SBK1: variants seen among roughly 807,000 people sequenced by gnomAD.
The protein encoded by SBK1 is SH3 domain binding kinase 1.
Under a neutral mutation model 24.4 loss-of-function variants are expected in SBK1, and 11 were observed. The observed-to-expected ratio is 0.45, with a 90% CI of 0.28 to 0.75. SBK1 has a LOEUF of 0.75. Ranked by LOEUF, SBK1 falls within the 30% of genes least tolerant of loss-of-function variation. SBK1 has a pLI of 0.12. For missense variants in SBK1, 467 were observed against 620.5 expected (o/e 0.75, Z 2.63); for synonymous variants, 308 against 284.4 (o/e 1.08, Z -0.83).
chr16:28,266,940 T>A (rs2044432807), intron 1 of SBK1, among the ~76,000 whole-genome samples: 1 of 151,662 alleles, frequency 6.6e-6, no homozygotes, highest in Non-Finnish European at 1.5e-5. Context: ...AGAGTCTCAC[T>A]CTGTCGCCCA....
chr16:28,305,002 C>G (rs944153238), intron 1 of SBK1, among the ~76,000 whole-genome samples: 2 of 152,062 alleles, frequency 1.3e-5, no homozygotes, highest in Non-Finnish European at 2.9e-5. Flanking sequence ...CTCCACCTCC[C>G]GGGTTCAAGT....
At chr16:28,262,886 G>A (rs1309698890) in intron 1 of SBK1, among the ~76,000 whole-genome samples, 1 of 152,114 alleles carries the variant, frequency 6.6e-6, no homozygotes, top group Non-Finnish European at 1.5e-5. Context: ...TGGGGTGGGG[G>A]TGGTGATGGA....
At chr16:28,263,406 A>G (rs753740136) in intron 1 of SBK1, among the ~76,000 whole-genome samples, 15 of 152,216 alleles carry the variant, frequency 9.9e-5, no homozygotes, top group Non-Finnish European at 2.2e-4. Flanking sequence ...AGGTGAGGAT[A>G]TTTCATCTAA....
intron 1 of SBK1, among the ~76,000 whole-genome samples, chr16:28,279,744 C>T (rs757476139): frequency 6.6e-6 from 1 of 152,116 alleles, no homozygotes; most frequent in Non-Finnish European, 1.5e-5. Context: ...CCCCAGGATC[C>T]TGAGTCCAGG....
Position 28,320,117 on chromosome 16 carries a change from G to T in SBK1, c.471G>T (p.Gln157His). The T allele has an allele frequency of 6.4e-7, 1 of 1,567,262 alleles. No individual in the cohort carries two copies. Among genetic ancestry groups the T allele is most frequent in the Non-Finnish European group, 8.6e-7 (1 of 1,162,100 alleles). The change falls in exon 4 of 4, where the codon CAG becomes CAT. Residue 157 changes from glutamine (Q) to histidine (H), a missense_variant. Around this residue, in one of 4 missense-constraint regions of SBK1, gnomAD observed 92 missense variants for 193.8 expected, o/e 0.47. Coordinates refer to ENST00000341901, the MANE Select transcript of SBK1 (RefSeq NM_001024401.3). This position sits in a 1 kb window ranked among gnomAD's most constrained non-coding sequence, Gnocchi z 8.5. The stretch of plus-strand genomic sequence containing the variant: ...ACACGGTGAAGCGCTGTGTGCAGCA[G>T]CTGGGCCTGGCGCTGGACTTCATGC... ...PEDTVKRCVQ[Q>H]LGLALDFMHG...
chr16:28,264,799 G>A (rs1673324117), intron 1 of SBK1, among the ~76,000 whole-genome samples: 1 of 152,028 alleles, frequency 6.6e-6, no homozygotes, highest in Non-Finnish European at 1.5e-5. Flanking sequence ...AGGGCCCTGA[G>A]GACTCCGCGG....
intron 1 of SBK1, among the ~76,000 whole-genome samples, chr16:28,273,196 C>T (rs2044477416): frequency 6.6e-6 from 1 of 151,738 alleles, no homozygotes; most frequent in South Asian, 2.1e-4. Flanking sequence ...AGGTGTGAGC[C>T]ACCGCACCTG....
intron 1 of SBK1, among the ~76,000 whole-genome samples, chr16:28,298,749 C>A (rs2044658640): frequency 6.6e-6 from 1 of 152,218 alleles, no homozygotes; most frequent in African/African-American, 2.4e-5. Flanking sequence ...CTTTAGGCAA[C>A]CACCAGAGGG....
At chr16:28,306,066 C>T (rs916224734) in intron 1 of SBK1, among the ~76,000 whole-genome samples, 21 of 152,188 alleles carry the variant, frequency 1.4e-4, no homozygotes, top group East Asian at 5.8e-4. Flanking sequence ...ATAAGCAGAT[C>T]GATCCCATCT....
At chr16:28,299,661 T>C (rs2044665755) in intron 1 of SBK1, among the ~76,000 whole-genome samples, 1 of 152,010 alleles carries the variant, frequency 6.6e-6, no homozygotes. Flanking sequence ...CCAAGAACAG[T>C]GTGCGATGCT....
rs890830131 is a variant in SBK1, at chr16:28,304,659, G to C, written c.-8+11359G>C. On this transcript the variant is annotated intron_variant, in intron 1 of 3. Transcript: ENST00000341901. ...GTCTTGCTCTGTCGCCCAGGCTGGA[G>C]TGCAGTGGCACAATCTCGGCTCACT... 5.9e-5 allele frequency among the ~76,000 whole-genome samples: 9 copies of C among 152,206 alleles called. No homozygotes were observed. In the East Asian group the frequency reaches 9.6e-4, roughly 16 times the overall value.
intron 1 of SBK1, among the ~76,000 whole-genome samples, chr16:28,296,815 C>A (rs1034447661): frequency 4.6e-5 from 7 of 152,182 alleles, no homozygotes; most frequent in Admixed American, 6.5e-5. Context: ...AAACCCGAGT[C>A]CTTCCCTTCC....
chr16:28,294,899 C>T (rs1173306622), intron 1 of SBK1, among the ~76,000 whole-genome samples: 2 of 152,244 alleles, frequency 1.3e-5, no homozygotes, highest in Non-Finnish European at 2.9e-5. Flanking sequence ...GAATCAGGTG[C>T]CCTGAAGACT....
intron 1 of SBK1, among the ~76,000 whole-genome samples, chr16:28,280,653 ATTTATTTTAT>A (rs376906418): frequency 2.6e-5 from 4 of 151,112 alleles, no homozygotes; most frequent in Non-Finnish European, 5.9e-5. Context: ...CAGTAACTTC[ATTTATTTTAT>A]TTTATTTTAT....
At chr16:28,311,583 C>T (rs1207410408) in intron 1 of SBK1, among the ~76,000 whole-genome samples, 1 of 151,934 alleles carries the variant, frequency 6.6e-6, no homozygotes, top group African/African-American at 2.4e-5. Flanking sequence ...CACCTGCAGT[C>T]CTAGCTACTC....
chr16:28,306,214 T>C (rs2044715600), intron 1 of SBK1, among the ~76,000 whole-genome samples: 1 of 152,100 alleles, frequency 6.6e-6, no homozygotes, highest in African/African-American at 2.4e-5. Flanking sequence ...AGGACACAGC[T>C]GTGCCGCTGC....
chr16:28,263,972 T>C (rs1229130338), intron 1 of SBK1, among the ~76,000 whole-genome samples: 1 of 150,492 alleles, frequency 6.6e-6, no homozygotes, highest in African/African-American at 2.4e-5. Flanking sequence ...AAAAGAAAAA[T>C]TCTAAAATTA....
chr16:28,279,886 G>A (rs1172396298), intron 1 of SBK1, among the ~76,000 whole-genome samples: 1 of 151,760 alleles, frequency 6.6e-6, no homozygotes, highest in Non-Finnish European at 1.5e-5. Flanking sequence ...ACTGAAGCAC[G>A]GGGGGACATG....
rs568657099 is a variant in SBK1 at position 28,263,755 on chromosome 16, T to A, written c.257+4253T>A. ...GAGAATCAGTGGTGATGGGCCAGAA[T>A]GAATAGAGGACGCCAACGTGGAGGT... is the stretch of plus-strand genomic sequence containing the variant. On this transcript the variant is annotated intron_variant, in intron 1 of 3. Transcript: ENST00000671413. Among the ~76,000 whole-genome samples, 3 of 152,286 alleles carry A rather than the reference T, an allele frequency of 2.0e-5. No homozygotes were observed. In the South Asian group the frequency reaches 6.2e-4, roughly 32 times the overall value.
Sources: gnomAD v4.1 joint callset for allele counts (sites outside exome capture counted in the v4.1 genomes callset) on GRCh38, gnomAD v4.1.1 for gene constraint, gnomAD v4.1.1 regional missense constraint, Gnocchi (gnomAD v3.1) non-coding constraint, MANE v1.5 for transcripts, NCBI Gene and HGNC (gene_info 2026-07-23, HGNC 2026-07-21) for gene names.